Variants in GPHN observed in about 807,000 individuals in gnomAD.
GPHN encodes gephyrin.
Under a neutral mutation model 95.5 loss-of-function variants are expected in GPHN, and 17 were observed. The observed-to-expected ratio is 0.18, with a 90% CI of 0.12 to 0.27. GPHN has a LOEUF of 0.27. Ranked by LOEUF, GPHN falls within the 10% of genes least tolerant of loss-of-function variation. The probability of loss-of-function intolerance (pLI) is 1.00; values close to 1 mark genes in which losing one functional copy is unlikely to be tolerated. For missense variants in GPHN, 660 were observed against 978.1 expected, an observed-to-expected ratio of 0.67 and a Z score of 4.34; for synonymous variants, 320 against 322.5, an observed-to-expected ratio of 0.99 and a Z score of 0.08.
At chr14:67,241,051 G>GC in the GPHN span, 2 of 152,246 alleles carry the variant, frequency 1.3e-5, no homozygotes, top group Non-Finnish European at 2.9e-5. Context: ...TCCCCACAAA[G>GC]CCCGCCGGCC....
intron 11 of GPHN, among the ~76,000 whole-genome samples, chr14:67,063,095 G>A (rs1255278588): frequency 6.6e-6 from 1 of 152,136 alleles, no homozygotes; most frequent in African/African-American, 2.4e-5. Flanking sequence ...ATTAATTTTT[G>A]TATAAGGTAT....
chr14:67,308,546 CTT>C, the GPHN span, among the ~76,000 whole-genome samples: 21 of 131,788 alleles, frequency 1.6e-4, no homozygotes, highest in South Asian at 2.4e-4. Flanking sequence ...TTTTCTTTTT[CTT>C]TTTTTTTTTT....
chr14:67,489,826 T>C, the GPHN span, among the ~76,000 whole-genome samples: 1 of 152,032 alleles, frequency 6.6e-6, no homozygotes, highest in African/African-American at 2.4e-5. Flanking sequence ...CCATCTCTAC[T>C]AAAAGCACAA....
chr14:66,794,685 A>G (rs1030899073), intron 3 of GPHN, among the ~76,000 whole-genome samples: 1 of 152,172 alleles, frequency 6.6e-6, no homozygotes, highest in East Asian at 1.9e-4. Flanking sequence ...GTTCATTAAC[A>G]TTTCTGAAAC....
the GPHN span, chr14:67,600,134 G>A: frequency 3.1e-6 from 5 of 1,595,332 alleles, no homozygotes; most frequent in Admixed American, 1.7e-5. Context: ...CGGCAGGACG[G>A]GGAGTAGTAG....
At chr14:67,596,822 T>C in the GPHN span, among the ~76,000 whole-genome samples, 127 of 152,346 alleles carry the variant, frequency 8.3e-4, no homozygotes, top group African/African-American at 2.9e-3. Flanking sequence ...GACTCCCACC[T>C]TGCTCCTTGG....
rs76111691 is a variant in GPHN, at chr14:66,869,584, T to C, written c.295-10355T>C. Among the ~76,000 whole-genome samples, 470 of 152,334 alleles carry C rather than the reference T, an allele frequency of 3.1e-3. 11 individuals are homozygous for C. Among genetic ancestry groups the C allele is most frequent in the African/African-American group, 0.011 (445 of 41,594 alleles). On this transcript the variant is annotated intron_variant, in intron 4 of 22. Transcript: ENST00000478722. ...TGCCAGTGCTCTTGCATCTGGGTTC[T>C]TGCTCTCCATTCTCTTTTTCCTAGT...
chr14:67,241,962 T>G, the GPHN span: 1 of 152,190 alleles, frequency 6.6e-6, no homozygotes, highest in African/African-American at 2.4e-5. Context: ...GTAGTCAGCG[T>G]TCCTCTGCCT....
At chr14:67,404,578 G>C in the GPHN span, among the ~76,000 whole-genome samples, 3 of 152,020 alleles carry the variant, frequency 2.0e-5, no homozygotes, top group African/African-American at 7.2e-5. Context: ...GGGATGCTAA[G>C]ATGGGAGGAT....
chr14:66,946,266 T>C (rs374552998), intron 8 of GPHN, among the ~76,000 whole-genome samples: 27 of 152,282 alleles, frequency 1.8e-4, no homozygotes, highest in African/African-American at 6.0e-4. Context: ...AGTTAACATA[T>C]AGGAGAGAAA....
intron 1 of GPHN, among the ~76,000 whole-genome samples, chr14:66,547,032 T>C (rs1166873578): frequency 6.6e-6 from 1 of 152,222 alleles, no homozygotes; most frequent in African/African-American, 2.4e-5. Flanking sequence ...GATTTCTAGA[T>C]AGCTTGTTTT....
At chr14:67,225,814 GAAACTTCTCTCAGCCATGAT>G in the GPHN span, among the ~76,000 whole-genome samples, 1 of 152,150 alleles carries the variant, frequency 6.6e-6, no homozygotes, top group Non-Finnish European at 1.5e-5. Context: ...GCTGAAAAAT[GAAACTTCTCTCAGCCATGAT>G]AACAACACCC....
chr14:67,108,298 A>G lies in GPHN; in HGVS notation c.1294-1842A>G, dbSNP rs536744135. Reference sequence around the variant, plus strand: ...AGCCCAGGAGGAAAAGAGCAAGGGGAATGAAAACTCTACTTTTCTGTCTCT... The same window carrying G: ...AGCCCAGGAGGAAAAGAGCAAGGGGGATGAAAACTCTACTTTTCTGTCTCT... On this transcript the variant is annotated intron_variant, in intron 13 of 22. Coordinates refer to ENST00000478722, the MANE Select transcript of GPHN (RefSeq NM_020806.5). 1.2e-4 allele frequency among the ~76,000 whole-genome samples: 19 copies of G among 152,238 alleles called. No homozygotes were observed. The South Asian group carries it at 3.9e-3, about 32-fold the overall frequency.
chr14:66,973,224 G>A (rs953991596), intron 9 of GPHN, among the ~76,000 whole-genome samples: 16 of 152,122 alleles, frequency 1.1e-4, no homozygotes, highest in African/African-American at 3.9e-4. Flanking sequence ...CCGGTACCAT[G>A]GTTAAGCATT....
At chr14:67,215,513 A>AAAAAAC in the GPHN span, among the ~76,000 whole-genome samples, 4,259 of 151,218 alleles carry the variant, frequency 0.028, 79 homozygotes, top group Non-Finnish European at 0.035. Context: ...AAAGATTAAA[A>AAAAAAC]AACAACAACA....
the GPHN span, among the ~76,000 whole-genome samples, chr14:67,286,952 T>C: frequency 1.3e-5 from 2 of 151,966 alleles, no homozygotes; most frequent in East Asian, 3.9e-4. Flanking sequence ...GCGTGGTGGC[T>C]CACGCCTGTA....
In GPHN at chr14:66,554,002, C is replaced by G. The variant is rs570766589; in HGVS notation, c.64+45411C>G. Among the ~76,000 whole-genome samples, 4 of 152,218 alleles carry G rather than the reference C, an allele frequency of 2.6e-5. No homozygotes were observed. In the East Asian group the frequency reaches 7.7e-4, roughly 29 times the overall value. On this transcript the variant is annotated intron_variant, in intron 1 of 22. Coordinates refer to ENST00000478722, the MANE Select transcript of GPHN (RefSeq NM_020806.5). ...GATAGTTTCTTTGACTCTATCTTCT[C>G]TTTGTTTAATTTCATCAAAAATCCT...
intron 11 of GPHN, among the ~76,000 whole-genome samples, chr14:67,061,554 A>C (rs547469587): frequency 5.9e-5 from 9 of 152,078 alleles, no homozygotes; most frequent in Non-Finnish European, 4.4e-5. Context: ...GGCCCTTTAT[A>C]ATCTGATTTC....
At chr14:67,721,347 G>A in the GPHN span, among the ~76,000 whole-genome samples, 3 of 152,014 alleles carry the variant, frequency 2.0e-5, no homozygotes, top group African/African-American at 7.2e-5. Flanking sequence ...CTTGACCTCT[G>A]AGCTCAAGTG....
Sources: allele counts gnomAD v4.1 joint callset (sites outside exome capture counted in the v4.1 genomes callset), GRCh38; gene constraint gnomAD v4.1.1; transcripts MANE v1.5; gene names NCBI Gene and HGNC (gene_info 2026-07-23, HGNC 2026-07-21).